The following DLG2 variants were observed in gnomAD, a reference collection of about 807,000 sequenced individuals.
DLG2 encodes the protein discs large MAGUK scaffold protein 2, also known as disks large homolog 2.
In DLG2, 45 loss-of-function variants were observed where a neutral mutation model predicts 132.5. The ratio of observed to expected loss-of-function variants is 0.34; its 90% CI spans 0.27 to 0.44. The LOEUF (loss-of-function observed/expected upper bound fraction) is 0.44. DLG2 is among the 20% of genes least tolerant of loss of function. The pLI, the probability that DLG2 is intolerant of heterozygous loss-of-function variation, is 1.00. For missense variants in DLG2, 1,045 were observed against 1,196.9 expected, an observed-to-expected ratio of 0.87 and a Z score of 1.87; for synonymous variants, 424 against 419.6, an observed-to-expected ratio of 1.01 and a Z score of -0.13.
chr11:85,225,206 G>A (rs1387371241), intron 4 of DLG2, among the ~76,000 whole-genome samples: 1 of 152,046 alleles, frequency 6.6e-6, no homozygotes, highest in Non-Finnish European at 1.5e-5. Flanking sequence ...GTTATTTATG[G>A]TTTCCAACCT....
intron 8 of DLG2, among the ~76,000 whole-genome samples, chr11:84,223,160 G>A (rs2154328535): frequency 6.6e-6 from 1 of 152,248 alleles, no homozygotes. Context: ...GATGTCAACA[G>A]GATTTGTCAT....
intron 16 of DLG2, among the ~76,000 whole-genome samples, chr11:83,836,824 G>A (rs1315369160): frequency 6.6e-6 from 1 of 152,180 alleles, no homozygotes; most frequent in Non-Finnish European, 1.5e-5. Context: ...GAATTGACCT[G>A]ACTTACATTT....
chr11:85,579,203 G>A (rs1373000436), intron 3 of DLG2, among the ~76,000 whole-genome samples: 1 of 152,100 alleles, frequency 6.6e-6, no homozygotes, highest in Admixed American at 6.5e-5. Context: ...TGGATACATA[G>A]AGGGAATAAC....
intron 6 of DLG2, among the ~76,000 whole-genome samples, chr11:84,944,554 T>C (rs539449418): frequency 1.3e-5 from 2 of 152,062 alleles, no homozygotes; most frequent in Admixed American, 1.3e-4. Context: ...ATTGAATTTT[T>C]CAGCTCCAGA....
intron 19 of DLG2, among the ~76,000 whole-genome samples, chr11:83,621,250 C>T (rs2061594726): frequency 6.6e-6 from 1 of 152,080 alleles, no homozygotes; most frequent in Non-Finnish European, 1.5e-5. Context: ...TGTCAATTCC[C>T]TATCAACGCC....
chr11:83,941,472 T>C (rs1197528831), intron 14 of DLG2, among the ~76,000 whole-genome samples: 3 of 152,144 alleles, frequency 2.0e-5, no homozygotes, highest in African/African-American at 7.2e-5. Flanking sequence ...CTCAACTCAC[T>C]GCAACCTCTG....
chr11:85,204,878 C>T (rs759828407), intron 4 of DLG2, among the ~76,000 whole-genome samples: 39 of 151,974 alleles, frequency 2.6e-4, no homozygotes, highest in Non-Finnish European at 5.0e-4. Context: ...AATAAATCCA[C>T]ACATTTACAG....
chr11:83,998,006 G>A (rs756698672), intron 11 of DLG2, among the ~76,000 whole-genome samples: 6 of 151,698 alleles, frequency 4.0e-5, no homozygotes, highest in Non-Finnish European at 5.9e-5. Context: ...ATGGTGGTGT[G>A]CACCTCTAAT....
chr11:84,779,474 T>G (rs1192589074), intron 6 of DLG2, among the ~76,000 whole-genome samples: 4 of 152,068 alleles, frequency 2.6e-5, no homozygotes, highest in Non-Finnish European at 5.9e-5. Context: ...GAGTCATTAG[T>G]TTTTTCTAAA....
At chr11:85,586,019 T>C (rs1464775674) in intron 3 of DLG2, among the ~76,000 whole-genome samples, 1 of 152,168 alleles carries the variant, frequency 6.6e-6, no homozygotes, top group Non-Finnish European at 1.5e-5. Context: ...ACCCAACCTG[T>C]ATCACATTTA....
intron 17 of DLG2, among the ~76,000 whole-genome samples, chr11:83,800,767 GC>G (rs1235256939): frequency 6.6e-6 from 1 of 152,132 alleles, no homozygotes; most frequent in African/African-American, 2.4e-5. Context: ...GTATAACTTG[GC>G]TGTCCAAACC....
intron 7 of DLG2, among the ~76,000 whole-genome samples, chr11:84,528,987 C>T (rs962843986): frequency 5.9e-5 from 9 of 152,188 alleles, no homozygotes; most frequent in African/African-American, 2.2e-4. Flanking sequence ...TAAAAAGTAG[C>T]TTTAGGTTGG....
intron 7 of DLG2, among the ~76,000 whole-genome samples, chr11:84,468,891 C>T (rs1283492324): frequency 3.3e-5 from 5 of 151,480 alleles, no homozygotes; most frequent in Admixed American, 3.3e-4. Context: ...AGCAGGGAGA[C>T]TCATTGACTA....
At chr11:85,140,260 C>T (rs11234303) in intron 5 of DLG2, among the ~76,000 whole-genome samples, 3,777 of 151,966 alleles carry the variant, frequency 0.025, 73 homozygotes, top group Non-Finnish European at 0.041. Context: ...ATGGCTGTAC[C>T]AATCTCCATT....
chr11:85,616,057 A>G (rs1358764770), intron 2 of DLG2, among the ~76,000 whole-genome samples: 4 of 152,212 alleles, frequency 2.6e-5, no homozygotes, highest in African/African-American at 9.6e-5. Flanking sequence ...TTTTAACAGG[A>G]AAAATTTGAA....
chr11:84,732,676 G>C (rs1191282249), intron 6 of DLG2, among the ~76,000 whole-genome samples: 1 of 151,590 alleles, frequency 6.6e-6, no homozygotes, highest in Non-Finnish European at 1.5e-5. Flanking sequence ...TTAAGTTCTA[G>C]GGTACATGTG....
intron 18 of DLG2, among the ~76,000 whole-genome samples, chr11:83,745,564 G>A (rs1211203280): frequency 6.6e-6 from 1 of 152,118 alleles, no homozygotes; most frequent in Non-Finnish European, 1.5e-5. Context: ...AGCGCTTTGA[G>A]AGGCTGAGGC....
chr11:83,467,242 C>A (rs773188005), intron 25 of DLG2, among the ~76,000 whole-genome samples: 1 of 152,186 alleles, frequency 6.6e-6, no homozygotes, highest in African/African-American at 2.4e-5. Flanking sequence ...CACTAACTAA[C>A]TTGCCCAATA....
intron 7 of DLG2, among the ~76,000 whole-genome samples, chr11:84,514,216 A>T (rs2099265632): frequency 6.6e-6 from 1 of 152,004 alleles, no homozygotes. Context: ...GATGTGGAGA[A>T]AAGGAAACTG....
Sources: gnomAD v4.1 joint callset for allele counts (sites outside exome capture counted in the v4.1 genomes callset) on GRCh38, gnomAD v4.1.1 for gene constraint, MANE v1.5 for transcripts, NCBI Gene and HGNC (gene_info 2026-07-23, HGNC 2026-07-21) for gene names.